The following EYS variants were observed in gnomAD, a reference collection of about 807,000 sequenced individuals.
EYS encodes the protein protein eyes shut homolog.
In EYS, 250 loss-of-function variants were observed where a neutral mutation model predicts 282.1. The observed-to-expected ratio is 0.89, with a 90% CI of 0.80 to 0.98. The LOEUF (loss-of-function observed/expected upper bound fraction) is 0.98, where lower values mean the gene tolerates loss of function less well. EYS is among the 50% of genes least tolerant of loss of function. The probability of loss-of-function intolerance (pLI) is 0.00; values close to 1 mark genes in which losing one functional copy is unlikely to be tolerated. For missense variants in EYS, 4,016 were observed against 3,709.0 expected (o/e 1.08, Z -2.15); for synonymous variants, 1,355 against 1,282.9 (o/e 1.06, Z -1.20).
chr6:64,195,929 A>C (rs1298698920), intron 31 of EYS, among the ~76,000 whole-genome samples: 2 of 152,328 alleles, frequency 1.3e-5, no homozygotes, highest in African/African-American at 4.8e-5. Flanking sequence ...TGCACAGCAA[A>C]AGAAACTACC....
chr6:65,680,074 G>A (rs983029785), intron 1 of EYS, among the ~76,000 whole-genome samples: 3 of 123,582 alleles, frequency 2.4e-5, no homozygotes, highest in Non-Finnish European at 3.3e-5. Context: ...TATATTATGC[G>A]CTCCTAAATT....
intron 29 of EYS, among the ~76,000 whole-genome samples, chr6:64,354,431 G>A (rs1423748432): frequency 6.6e-6 from 1 of 151,438 alleles, no homozygotes; most frequent in Non-Finnish European, 1.5e-5. Context: ...TGATTCTGTA[G>A]GTGGGTAAGT....
intron 14 of EYS, among the ~76,000 whole-genome samples, chr6:64,947,277 A>T (rs1769318930): frequency 6.6e-6 from 1 of 151,950 alleles, no homozygotes; most frequent in South Asian, 2.1e-4. Context: ...TTTTTTTTAC[A>T]AACATAACAA....
At chr6:65,417,018 AT>A (rs1487472789) in intron 5 of EYS, among the ~76,000 whole-genome samples, 4 of 152,076 alleles carry the variant, frequency 2.6e-5, no homozygotes, top group Non-Finnish European at 4.4e-5. Flanking sequence ...AAGAAAGAAC[AT>A]TTAATGAAAA....
In EYS at chr6:64,590,544, G is replaced by A. The variant is rs1380189496; in HGVS notation, c.5323C>T (p.Pro1775Ser). ...TCAGGCACTGAGCCTGTCAATGGTG[G>A]CAGATTATTTTTGAAGTCATTTGCA... ...THANDFKNNL[P>S]PLTGSVPDFS... Residue 1775 changes from proline (P) to serine (S), a missense_variant, in exon 26 of 43, where the codon CCA (proline) becomes TCA (serine). Transcript: ENST00000503581. The A allele has an allele frequency of 6.4e-7, 1 of 1,551,300 alleles. No homozygotes were observed.
At chr6:65,482,769 A>C (rs187836442) in intron 5 of EYS, among the ~76,000 whole-genome samples, 262 of 152,334 alleles carry the variant, frequency 1.7e-3, no homozygotes, top group Admixed American at 3.6e-3. Flanking sequence ...TGCCATTGCA[A>C]AACCTTTTTA....
chr6:64,199,865 C>A lies in EYS; in HGVS notation c.6424+30727G>T, dbSNP rs543056927. ...ATAGGACTTTAAAACTGTGTCCACA[C>A]AAAATTGCACCTGAATGTTTATTGC... On this transcript the variant is annotated intron_variant, in intron 31 of 42. Transcript: ENST00000503581. Among the ~76,000 whole-genome samples, 16 of 152,204 alleles carry A rather than the reference C, an allele frequency of 1.1e-4. No homozygotes were observed. In the South Asian group the frequency reaches 3.3e-3, roughly 32 times the overall value.
chr6:63,902,335 GATAA>G (rs1488373710), intron 35 of EYS, among the ~76,000 whole-genome samples: 1 of 152,080 alleles, frequency 6.6e-6, no homozygotes, highest in Non-Finnish European at 1.5e-5. Context: ...AGACATTATA[GATAA>G]ATAAAGACTG....
At chr6:63,754,081 T>C (rs1769415077) in intron 41 of EYS, among the ~76,000 whole-genome samples, 1 of 152,232 alleles carries the variant, frequency 6.6e-6, no homozygotes, top group Non-Finnish European at 1.5e-5. Flanking sequence ...TTACTCTTTT[T>C]CCCTGAACTT....
At chr6:65,228,007 T>G (rs924159671) in intron 12 of EYS, among the ~76,000 whole-genome samples, 2 of 152,032 alleles carry the variant, frequency 1.3e-5, no homozygotes, top group Admixed American at 1.3e-4. Flanking sequence ...GATGGTCACA[T>G]AACAACGTGA....
chr6:64,590,348 C>T lies in EYS; in HGVS notation c.5519G>A (p.Trp1840Ter). ...EVKTSSEWSK[W>*]ELQPSVQYQE... ...ATATTGCACACTAGGCTGAAGTTCC[C>T]ATTTGGACCATTCTGAAGAAGTCTT... The change falls in exon 26 of 43, where the codon TGG becomes TAG. Residue 1840 changes from tryptophan (W) to a stop codon, truncating the protein, a stop_gained. Transcript: ENST00000503581. LOFTEE classifies it high-confidence loss of function. The T allele has an allele frequency of 2.6e-6, 4 of 1,551,230 alleles. No homozygotes were observed. Among genetic ancestry groups the T allele is most frequent in the Non-Finnish European group, 3.5e-6 (4 of 1,146,670 alleles).
intron 18 of EYS, among the ~76,000 whole-genome samples, chr6:64,894,784 TATCTC>T (rs1424348862): frequency 6.6e-6 from 1 of 152,186 alleles, no homozygotes; most frequent in Admixed American, 6.5e-5. Flanking sequence ...AAAGTATACT[TATCTC>T]TGCAATGCTA....
At chr6:65,021,935 C>T (rs1469984404) in intron 13 of EYS, among the ~76,000 whole-genome samples, 3 of 152,142 alleles carry the variant, frequency 2.0e-5, no homozygotes, top group Non-Finnish European at 4.4e-5. Context: ...CTCACTCACT[C>T]ACTATTACAA....
At chr6:65,490,500 C>T (rs1172886166) in intron 5 of EYS, 94 bp downstream of exon 5, 3 of 772,436 alleles carry the variant, frequency 3.9e-6, no homozygotes, top group African/African-American at 3.5e-5. Context: ...TTGTATTTTT[C>T]AATAATAAAG....
chr6:63,781,067 G>A (rs1770210333), intron 39 of EYS, among the ~76,000 whole-genome samples: 1 of 152,192 alleles, frequency 6.6e-6, no homozygotes, highest in South Asian at 2.1e-4. Context: ...GTAGATGTGT[G>A]CTATTATTTC....
At chr6:63,905,684 G>A (rs1773762588) in intron 35 of EYS, among the ~76,000 whole-genome samples, 1 of 152,102 alleles carries the variant, frequency 6.6e-6, no homozygotes, top group Admixed American at 6.6e-5. Context: ...TACTATCAGC[G>A]GCACATTTTA....
chr6:65,563,983 T>G (rs571108048), intron 2 of EYS, among the ~76,000 whole-genome samples: 1 of 151,668 alleles, frequency 6.6e-6, no homozygotes, highest in East Asian at 1.9e-4. Context: ...TATACACCAA[T>G]AATAGAGAGC....
rs969040132 is a variant in EYS at position 63,801,129 on chromosome 6, A to G, written c.7411+5061T>C. Among the ~76,000 whole-genome samples, 5 of 152,172 alleles carry G rather than the reference A, an allele frequency of 3.3e-5. No homozygotes were observed. In the South Asian group the frequency reaches 1.0e-3, roughly 32 times the overall value. ...TGTTGATTAGCTAAGAAATGTTTGG[A>G]CTTGTATGTTAGAACCATCCCATGT... On this transcript the variant is annotated intron_variant, in intron 37 of 42. Coordinates refer to ENST00000503581, the MANE Select transcript of EYS (RefSeq NM_001142800.2).
chr6:64,411,014 C>T (rs1228081755), intron 28 of EYS, among the ~76,000 whole-genome samples: 1 of 151,966 alleles, frequency 6.6e-6, no homozygotes, highest in Non-Finnish European at 1.5e-5. Flanking sequence ...AAAATGTGGA[C>T]TGTTTTAAGT....
Sources: allele counts gnomAD v4.1 joint callset (sites outside exome capture counted in the v4.1 genomes callset), GRCh38; gene constraint gnomAD v4.1.1; transcripts MANE v1.5; gene names NCBI Gene and HGNC (gene_info 2026-07-23, HGNC 2026-07-21).